Variants in ANO6 observed in about 807,000 individuals in gnomAD.
ANO6 encodes the protein anoctamin-6.
In ANO6, 106 loss-of-function variants were observed where a neutral mutation model predicts 117.5. The ratio of observed to expected loss-of-function variants is 0.90; its 90% confidence interval spans 0.77 to 1.06. ANO6 has a LOEUF of 1.06. Ranked by LOEUF, ANO6 falls within the 50% of genes least tolerant of loss-of-function variation. The pLI is 0.00. For missense variants in ANO6, 955 were observed against 1,121.1 expected (o/e 0.85, Z 2.12); for synonymous variants, 367 against 385.1 (o/e 0.95, Z 0.55).
At chr12:45,360,090 C>G (rs552953886) in intron 8 of ANO6, among the ~76,000 whole-genome samples, 1 of 152,130 alleles carries the variant, frequency 6.6e-6, no homozygotes, top group Non-Finnish European at 1.5e-5. Flanking sequence ...AAATCCCTTG[C>G]CTATTTTAGT....
At chr12:45,306,406 G>A (rs1347341460) in intron 2 of ANO6, among the ~76,000 whole-genome samples, 1 of 152,024 alleles carries the variant, frequency 6.6e-6, no homozygotes, top group African/African-American at 2.4e-5. Context: ...AGAAACCATA[G>A]GATTTAGAAA....
intron 7 of ANO6, among the ~76,000 whole-genome samples, chr12:45,351,161 A>G (rs1018376716): frequency 1.3e-5 from 2 of 152,196 alleles, no homozygotes; most frequent in African/African-American, 4.8e-5. Context: ...CACTGTGAAT[A>G]AAAAGGCACT....
At chr12:45,438,593 A>T (rs1459495770) in intron 19 of ANO6, among the ~76,000 whole-genome samples, 1 of 152,204 alleles carries the variant, frequency 6.6e-6, no homozygotes, top group Non-Finnish European at 1.5e-5. Flanking sequence ...GCTGTATGTG[A>T]AATACAAATT....
intron 1 of ANO6, chr12:45,292,996 G>A (rs958720238): frequency 6.5e-7 from 1 of 1,543,570 alleles, no homozygotes; most frequent in East Asian, 2.4e-5. Context: ...GAGTGCCGGG[G>A]AGGCTCCTTT....
In ANO6 at chr12:45,422,809, A is replaced by G. The variant is rs181344205; in HGVS notation, c.2421-148A>G. The stretch of plus-strand genomic sequence containing the variant: ...GGCTGGTGTCGCACTCCTGGCCTCA[A>G]GTGATCCACATGCCTCAGCCTCCCA... On this transcript the variant is annotated intron_variant, in intron 18 of 19. Coordinates refer to ENST00000320560, the MANE Select transcript of ANO6 (RefSeq NM_001025356.3). The G allele has an allele frequency of 1.4e-5, 10 of 700,276 alleles. No individual in the cohort carries two copies. In the East Asian group the frequency reaches 2.1e-4, roughly 15 times the overall value. 43.4% of individuals were successfully genotyped at this position (700,276 alleles called of 1,614,324 possible). A position where few individuals can be genotyped will look rare whatever the true frequency, so the allele number is the denominator to read the frequency against.
intron 2 of ANO6, among the ~76,000 whole-genome samples, chr12:45,316,301 TAACTC>T (rs1245271080): frequency 1.1e-4 from 17 of 151,984 alleles, no homozygotes; most frequent in East Asian, 7.7e-4. Context: ...ATTACACAAA[TAACTC>T]AACAATTAAA....
intron 9 of ANO6, among the ~76,000 whole-genome samples, chr12:45,375,612 C>T (rs1253048164): frequency 6.6e-6 from 1 of 152,098 alleles, no homozygotes. Flanking sequence ...GGAAAGGATT[C>T]CCTATTTAAT....
intron 10 of ANO6, among the ~76,000 whole-genome samples, chr12:45,380,345 T>C (rs908174547): frequency 1.4e-4 from 22 of 152,190 alleles, no homozygotes; most frequent in Admixed American, 2.0e-4. Flanking sequence ...GACTGCAATG[T>C]TTAATTTTCA....
chr12:45,226,648 T>C (rs543692061), intron 1 of ANO6, among the ~76,000 whole-genome samples: 1 of 152,282 alleles, frequency 6.6e-6, no homozygotes, highest in Non-Finnish European at 1.5e-5. Flanking sequence ...ATCTAGATGT[T>C]TGAAAAATAA....
At chr12:45,323,451 A>G (rs1940348116) in intron 2 of ANO6, among the ~76,000 whole-genome samples, 1 of 152,224 alleles carries the variant, frequency 6.6e-6, no homozygotes, top group African/African-American at 2.4e-5. Context: ...GAAGTTTCTG[A>G]TGATTATGAG....
chr12:45,408,890 T>G (rs1943013825), intron 15 of ANO6, among the ~76,000 whole-genome samples: 1 of 152,206 alleles, frequency 6.6e-6, no homozygotes, highest in South Asian at 2.1e-4. Flanking sequence ...TCAACATCAT[T>G]CTGAAGGAGA....
At chr12:45,346,459 C>T (rs921993728) in intron 3 of ANO6, among the ~76,000 whole-genome samples, 1 of 152,108 alleles carries the variant, frequency 6.6e-6, no homozygotes, top group Non-Finnish European at 1.5e-5. Flanking sequence ...TTAGACATAG[C>T]TTCACAAACA....
At chr12:45,219,805 TAG>T (rs1210838607) in intron 1 of ANO6, among the ~76,000 whole-genome samples, 1 of 152,216 alleles carries the variant, frequency 6.6e-6, no homozygotes, top group African/African-American at 2.4e-5. Flanking sequence ...CTGTTGGCAT[TAG>T]AGCATTTTTG....
intron 11 of ANO6, among the ~76,000 whole-genome samples, chr12:45,389,325 A>G (rs1172867427): frequency 6.6e-6 from 1 of 152,242 alleles, no homozygotes; most frequent in Non-Finnish European, 1.5e-5. Flanking sequence ...TAGAGAGGAC[A>G]GGGTCAAAGC....
intron 8 of ANO6, 138 bp from the exon 9 acceptor site, chr12:45,367,550 G>A (rs868842756): frequency 2.1e-5 from 14 of 661,050 alleles, no homozygotes; most frequent in Middle Eastern, 4.1e-4. Flanking sequence ...ATGTAACAAA[G>A]TTTTATGTAA....
At chr12:45,423,113 C>T (rs1331639313) in intron 19 of ANO6, 51 bp downstream of exon 19, 1 of 1,388,672 alleles carries the variant, frequency 7.2e-7, no homozygotes. Context: ...ATTTGCAGAC[C>T]TTCCATTAAG....
chr12:45,225,377 C>T (rs1024924408), intron 1 of ANO6, among the ~76,000 whole-genome samples: 2 of 152,124 alleles, frequency 1.3e-5, no homozygotes, highest in Non-Finnish European at 2.9e-5. Context: ...ACCAAAAACA[C>T]TCGTCTTGAA....
chr12:45,433,958 A>G (rs747528359), downstream of ANO6, among the ~76,000 whole-genome samples: 2 of 152,220 alleles, frequency 1.3e-5, no homozygotes, highest in African/African-American at 2.4e-5. Flanking sequence ...CCAGCAGAAA[A>G]CAAAGATAAG....
At chr12:45,326,474 A>T (rs1349286520) in intron 2 of ANO6, among the ~76,000 whole-genome samples, 1 of 152,202 alleles carries the variant, frequency 6.6e-6, no homozygotes, top group Non-Finnish European at 1.5e-5. Flanking sequence ...CCTGGTAGTT[A>T]TGCAGGCGGC....
Sources: allele counts gnomAD v4.1 joint callset (sites outside exome capture counted in the v4.1 genomes callset), GRCh38; gene constraint gnomAD v4.1.1; transcripts MANE v1.5; gene names NCBI Gene and HGNC (gene_info 2026-07-23, HGNC 2026-07-21).